The following PCSK2 variants were observed in gnomAD, a reference collection of about 807,000 sequenced individuals.
The protein encoded by PCSK2 is neuroendocrine convertase 2.
Under a neutral mutation model 69.7 loss-of-function variants are expected in PCSK2, and 14 were observed. The observed-to-expected ratio is 0.20, with a 90% CI of 0.13 to 0.31. PCSK2 has a LOEUF of 0.31. PCSK2 is among the 10% of genes least tolerant of loss of function. The pLI is 1.00. For missense variants in PCSK2, 544 were observed against 842.5 expected (o/e 0.65, Z 4.39); for synonymous variants, 307 against 320.7 (o/e 0.96, Z 0.46).
chr20:17,282,017 A>C (rs1000292969), intron 2 of PCSK2, among the ~76,000 whole-genome samples: 5 of 152,010 alleles, frequency 3.3e-5, no homozygotes, highest in Non-Finnish European at 5.9e-5. Flanking sequence ...AATCCATAAC[A>C]GTTCTCTCCT....
chr20:17,479,110 T>C, intron 11 of PCSK2: 2 of 1,342,704 alleles, frequency 1.5e-6, no homozygotes, highest in Non-Finnish European at 2.1e-6. Context: ...GGCAAAAACA[T>C]TGACAATACA....
intron 2 of PCSK2, among the ~76,000 whole-genome samples, chr20:17,268,735 TG>T (rs1454585432): frequency 1.3e-5 from 2 of 152,152 alleles, no homozygotes; most frequent in Non-Finnish European, 2.9e-5. Context: ...TCTGTGCCTA[TG>T]GGCAAATAAT....
chr20:17,440,602 T>C (rs1162550542), intron 8 of PCSK2, among the ~76,000 whole-genome samples: 4 of 152,282 alleles, frequency 2.6e-5, no homozygotes, highest in East Asian at 1.9e-4. Flanking sequence ...GGCTCACGCC[T>C]GTAATCCCAA....
chr20:17,470,348 G>A (rs1304168494), intron 11 of PCSK2, among the ~76,000 whole-genome samples: 1 of 152,084 alleles, frequency 6.6e-6, no homozygotes, highest in East Asian at 1.9e-4. Context: ...TGTGGCTGGT[G>A]GCTACCATCT....
intron 2 of PCSK2, among the ~76,000 whole-genome samples, chr20:17,266,886 T>C (rs968670532): frequency 6.6e-6 from 1 of 152,016 alleles, no homozygotes; most frequent in South Asian, 2.1e-4. Context: ...CAATTCTCAG[T>C]GAAAGAAACT....
At chr20:17,417,218 T>C (rs1036044722) in intron 6 of PCSK2, among the ~76,000 whole-genome samples, 2 of 152,180 alleles carry the variant, frequency 1.3e-5, no homozygotes, top group African/African-American at 4.8e-5. Flanking sequence ...GGAAATGTCT[T>C]CTCTCTTAAA....
At chr20:17,292,783 G>T (rs927749181) in intron 2 of PCSK2, among the ~76,000 whole-genome samples, 4 of 151,918 alleles carry the variant, frequency 2.6e-5, no homozygotes, top group African/African-American at 9.7e-5. Context: ...TTATAGCTGG[G>T]TTATTATTGT....
chr20:17,468,695 A>G (rs58743675), intron 11 of PCSK2, among the ~76,000 whole-genome samples: 65,921 of 149,442 alleles, frequency 0.44, 14,450 homozygotes, highest in South Asian at 0.62. Context: ...CGGGCAGCCC[A>G]CCATAGGTCA....
At chr20:17,321,038 T>C (rs939301337) in intron 2 of PCSK2, among the ~76,000 whole-genome samples, 3 of 152,234 alleles carry the variant, frequency 2.0e-5, no homozygotes, top group Non-Finnish European at 4.4e-5. Context: ...TTCTGTTGAC[T>C]GGTTGGGTTA....
intron 6 of PCSK2, among the ~76,000 whole-genome samples, chr20:17,413,677 T>C (rs1482015053): frequency 2.0e-5 from 3 of 152,150 alleles, no homozygotes; most frequent in Admixed American, 6.5e-5. Context: ...CTGGACCAAG[T>C]GGACCTAATA....
At chr20:17,460,171 T>C (rs1187266187) in intron 10 of PCSK2, among the ~76,000 whole-genome samples, 1 of 151,594 alleles carries the variant, frequency 6.6e-6, no homozygotes, top group African/African-American at 2.4e-5. Context: ...CATGTTTACA[T>C]TTCAGGCAGG....
intron 2 of PCSK2, among the ~76,000 whole-genome samples, chr20:17,351,234 A>G (rs759142257): frequency 2.0e-5 from 3 of 152,078 alleles, no homozygotes; most frequent in Admixed American, 6.5e-5. Flanking sequence ...AAGGTTCAAA[A>G]GTTGAACTGG....
chr20:17,381,575 C>T (rs1374062977), intron 5 of PCSK2, among the ~76,000 whole-genome samples: 1 of 152,146 alleles, frequency 6.6e-6, no homozygotes, highest in African/African-American at 2.4e-5. Flanking sequence ...TCAGTTTCCC[C>T]ATCTATAATT....
At chr20:17,452,031 C>T (rs1224729058) in intron 8 of PCSK2, among the ~76,000 whole-genome samples, 2 of 147,460 alleles carry the variant, frequency 1.4e-5, no homozygotes, top group Non-Finnish European at 3.0e-5. Context: ...AGACATGTAT[C>T]ACCACACCCA....
chr20:17,328,287 T>C (rs1237794940), intron 2 of PCSK2, among the ~76,000 whole-genome samples: 1 of 151,600 alleles, frequency 6.6e-6, no homozygotes, highest in Non-Finnish European at 1.5e-5. Flanking sequence ...CACAATGGAG[T>C]TTCCTTCCCA....
At chr20:17,479,160 A>G (rs1213692299) in intron 11 of PCSK2, 2 of 1,387,558 alleles carry the variant, frequency 1.4e-6, no homozygotes, top group Admixed American at 3.4e-5. Context: ...TACAGGTTCC[A>G]TCAGATGTGG....
intron 2 of PCSK2, among the ~76,000 whole-genome samples, chr20:17,320,459 T>A (rs371231737): frequency 3.3e-5 from 5 of 152,318 alleles, no homozygotes; most frequent in African/African-American, 1.2e-4. Flanking sequence ...GATCTAAAAG[T>A]GTTCTGTACC....
At chr20:17,374,044 G>A (rs555537703) in intron 5 of PCSK2, among the ~76,000 whole-genome samples, 5 of 152,236 alleles carry the variant, frequency 3.3e-5, no homozygotes, top group Non-Finnish European at 7.4e-5. Context: ...TAGCCAAGAG[G>A]CTATTTTAGA....
intron 10 of PCSK2, among the ~76,000 whole-genome samples, chr20:17,457,160 T>G (rs1342623801): frequency 6.6e-6 from 1 of 152,208 alleles, no homozygotes; most frequent in Non-Finnish European, 1.5e-5. Context: ...GTTCACAGAA[T>G]GAACACATGG....
Sources: allele counts gnomAD v4.1 joint callset (sites outside exome capture counted in the v4.1 genomes callset), GRCh38; gene constraint gnomAD v4.1.1; transcripts MANE v1.5; gene names NCBI Gene and HGNC (gene_info 2026-07-23, HGNC 2026-07-21).